Variants in NEGR1 observed in about 807,000 individuals in gnomAD.
NEGR1 encodes the protein neuronal growth regulator 1.
In NEGR1, 10 loss-of-function variants were observed where a neutral mutation model predicts 40.9. The ratio of observed to expected loss-of-function variants is 0.24; its 90% CI spans 0.15 to 0.42. NEGR1 has a LOEUF of 0.42. NEGR1 is among the 10% of genes least tolerant of loss of function. NEGR1 has a pLI of 1.00. For synonymous variants in NEGR1, 185 were observed against 166.8 expected, an observed-to-expected ratio of 1.11 and a Z score of -0.84; for missense variants, 352 against 438.9, an observed-to-expected ratio of 0.80 and a Z score of 1.77.
chr1:71,772,809 G>C (rs983640362), intron 3 of NEGR1, among the ~76,000 whole-genome samples: 1 of 152,032 alleles, frequency 6.6e-6, no homozygotes, highest in East Asian at 1.9e-4. Flanking sequence ...TATATACTTA[G>C]TCTACCCACA....
At chr1:72,230,260 A>T (rs559024604) in intron 1 of NEGR1, among the ~76,000 whole-genome samples, 1 of 152,270 alleles carries the variant, frequency 6.6e-6, no homozygotes, top group South Asian at 2.1e-4. Flanking sequence ...CTCCTTCCTT[A>T]AAAAGAAGGT....
chr1:71,594,284 T>A (rs1649609779), intron 5 of NEGR1, among the ~76,000 whole-genome samples: 2 of 152,174 alleles, frequency 1.3e-5, no homozygotes, highest in African/African-American at 4.8e-5. Context: ...CCAAATGGCA[T>A]AGTAGTTTTT....
intron 5 of NEGR1, among the ~76,000 whole-genome samples, chr1:71,609,864 C>A (rs376268741): frequency 1.3e-5 from 2 of 152,146 alleles, no homozygotes; most frequent in Non-Finnish European, 2.9e-5. Flanking sequence ...GGGAAAGACC[C>A]ATGGGAGGTG....
chr1:71,677,223 G>A (rs2101606235), intron 4 of NEGR1, among the ~76,000 whole-genome samples: 1 of 152,090 alleles, frequency 6.6e-6, no homozygotes, highest in South Asian at 2.1e-4. Context: ...CATCCTCCAT[G>A]ATTCATTGAT....
chr1:71,782,149 C>A (rs533881780), intron 2 of NEGR1, among the ~76,000 whole-genome samples: 2 of 151,938 alleles, frequency 1.3e-5, no homozygotes, highest in Admixed American at 6.6e-5. Context: ...GGAGGTGGGG[C>A]CTTGGAAAGG....
intron 1 of NEGR1, among the ~76,000 whole-genome samples, chr1:72,188,042 A>G (rs1652674768): frequency 6.6e-6 from 1 of 151,498 alleles, no homozygotes; most frequent in South Asian, 2.1e-4. Context: ...CATTCTAAGG[A>G]TTAGAATAGT....
At chr1:71,885,541 T>G (rs1211798697) in intron 2 of NEGR1, among the ~76,000 whole-genome samples, 6 of 152,138 alleles carry the variant, frequency 3.9e-5, no homozygotes, top group Admixed American at 3.3e-4. Context: ...AAATTAGCAA[T>G]GCAACTGTAA....
chr1:72,019,667 G>A (rs953352489), intron 1 of NEGR1, among the ~76,000 whole-genome samples: 3 of 152,158 alleles, frequency 2.0e-5, no homozygotes. Context: ...TTTTATAAAA[G>A]CTGAATAATG....
At chr1:72,269,978 G>C (rs571484239) in intron 1 of NEGR1, among the ~76,000 whole-genome samples, 2 of 151,696 alleles carry the variant, frequency 1.3e-5, no homozygotes, top group Admixed American at 1.3e-4. Context: ...AGTTGGTGCC[G>C]AGTAAATGCG....
At chr1:72,143,895 TTATATATATG>T (rs1212599628) in intron 1 of NEGR1, among the ~76,000 whole-genome samples, 2 of 95,834 alleles carry the variant, frequency 2.1e-5, no homozygotes, top group African/African-American at 8.8e-5. Flanking sequence ...TATATATATA[TTATATATATG>T]ATATATATAA....
chr1:71,529,958 A>G (rs1000878678), intron 6 of NEGR1, among the ~76,000 whole-genome samples: 2 of 151,240 alleles, frequency 1.3e-5, no homozygotes, highest in African/African-American at 4.8e-5. Context: ...AAGAATATAT[A>G]AAGCATAAGT....
chr1:72,199,979 C>T lies in NEGR1; in HGVS notation c.176+82340G>A, dbSNP rs192616293. Among the ~76,000 whole-genome samples the T allele has an allele frequency of 7.2e-5, 11 of 152,002 alleles. No homozygotes were observed. The East Asian group carries it at 1.6e-3, about 21-fold the overall frequency. Reference sequence around the variant, plus strand: ...GCAAATCAAAACCACAATGAGACACCATCTCACACCAGTCAGAATGGTTAT... The same window carrying T: ...GCAAATCAAAACCACAATGAGACACTATCTCACACCAGTCAGAATGGTTAT... On this transcript the variant is annotated intron_variant, in intron 1 of 6. Coordinates refer to ENST00000357731, the MANE Select transcript of NEGR1 (RefSeq NM_173808.3).
chr1:71,763,805 A>G (rs1656030558), intron 3 of NEGR1, among the ~76,000 whole-genome samples: 1 of 151,452 alleles, frequency 6.6e-6, no homozygotes, highest in Non-Finnish European at 1.5e-5. Context: ...GGGAATAGGG[A>G]AGTGAGAAAA....
intron 2 of NEGR1, among the ~76,000 whole-genome samples, chr1:71,797,371 G>A (rs1373387450): frequency 6.6e-6 from 1 of 152,044 alleles, no homozygotes; most frequent in Non-Finnish European, 1.5e-5. Context: ...CTAAGCTATT[G>A]AGTCATGGTA....
At chr1:72,182,814 ATGTG>A (rs781215604) in intron 1 of NEGR1, among the ~76,000 whole-genome samples, 1 of 132,694 alleles carries the variant, frequency 7.5e-6, no homozygotes, top group Non-Finnish European at 1.6e-5. Flanking sequence ...GTATGTGTAT[ATGTG>A]TGTGTGTACA....
chr1:72,182,525 C>T (rs1053930733), intron 1 of NEGR1, among the ~76,000 whole-genome samples: 2 of 151,924 alleles, frequency 1.3e-5, no homozygotes, highest in Admixed American at 6.6e-5. Flanking sequence ...ATAAAATGTT[C>T]AGGTTATAAT....
chr1:71,424,793 T>A (rs755366910), intron 6 of NEGR1, among the ~76,000 whole-genome samples: 2 of 152,062 alleles, frequency 1.3e-5, no homozygotes, highest in African/African-American at 4.8e-5. Flanking sequence ...CCTCAGTCCT[T>A]CCACCACAAG....
intron 4 of NEGR1, among the ~76,000 whole-genome samples, chr1:71,697,755 C>G (rs1481209646): frequency 6.6e-6 from 1 of 151,700 alleles, no homozygotes; most frequent in Non-Finnish European, 1.5e-5. Context: ...GTTTAGAATG[C>G]CAGGGATTAG....
At chr1:71,491,054 T>C (rs1297561843) in intron 6 of NEGR1, among the ~76,000 whole-genome samples, 1 of 151,956 alleles carries the variant, frequency 6.6e-6, no homozygotes, top group Non-Finnish European at 1.5e-5. Context: ...AAAAATTCAA[T>C]TGGCCCTTCA....
Sources: gnomAD v4.1 joint callset for allele counts (sites outside exome capture counted in the v4.1 genomes callset) on GRCh38, gnomAD v4.1.1 for gene constraint, MANE v1.5 for transcripts, NCBI Gene and HGNC (gene_info 2026-07-23, HGNC 2026-07-21) for gene names.